ROBO2: variants seen among roughly 807,000 people sequenced by gnomAD.
ROBO2 encodes the protein roundabout guidance receptor 2.
A neutral mutation model predicts 160.8 loss-of-function variants in ROBO2; 53 were observed. The ratio of observed to expected loss-of-function variants is 0.33; its 90% CI spans 0.26 to 0.41. ROBO2 has a LOEUF of 0.41. ROBO2 is among the 10% of genes least tolerant of loss of function. The pLI, the probability that ROBO2 is intolerant of heterozygous loss-of-function variation, is 1.00. For synonymous variants in ROBO2, 664 were observed against 611.7 expected (o/e 1.09, Z -1.26); for missense variants, 1,577 against 1,722.4 (o/e 0.92, Z 1.49).
At chr3:77,148,354 TAC>T (rs2077276031) in intron 2 of ROBO2, among the ~76,000 whole-genome samples, 1 of 152,228 alleles carries the variant, frequency 6.6e-6, no homozygotes, top group Non-Finnish European at 1.5e-5. Flanking sequence ...GCTTCTTATT[TAC>T]ACTGGGCAAG....
intron 2 of ROBO2, among the ~76,000 whole-genome samples, chr3:77,113,679 C>T (rs986808614): frequency 2.6e-5 from 4 of 152,138 alleles, no homozygotes; most frequent in African/African-American, 7.2e-5. Flanking sequence ...TACTTGAGGA[C>T]TGCATGGTTG....
intron 2 of ROBO2, among the ~76,000 whole-genome samples, chr3:76,314,310 T>G (rs2071816535): frequency 6.6e-6 from 1 of 152,176 alleles, no homozygotes; most frequent in African/African-American, 2.4e-5. Context: ...TATTTTATGT[T>G]CGATTACCTT....
chr3:77,002,225 G>A (rs916974737), intron 2 of ROBO2, among the ~76,000 whole-genome samples: 1 of 151,780 alleles, frequency 6.6e-6, no homozygotes, highest in African/African-American at 2.4e-5. Context: ...CCTATATTAT[G>A]GGACTTGATG....
chr3:77,281,183 A>G (rs191918968), intron 2 of ROBO2, among the ~76,000 whole-genome samples: 1 of 152,322 alleles, frequency 6.6e-6, no homozygotes, highest in Admixed American at 6.5e-5. Context: ...GATGCTTGCA[A>G]TTGTTCATTT....
At chr3:76,675,644 A>G (rs2092389145) in intron 2 of ROBO2, among the ~76,000 whole-genome samples, 2 of 152,294 alleles carry the variant, frequency 1.3e-5, no homozygotes, top group South Asian at 4.2e-4. Flanking sequence ...AGTGTGTCCT[A>G]CGGGACTATG....
chr3:77,493,457 C>T (rs899139022), intron 5 of ROBO2, 75 bp downstream of exon 5: 3 of 1,488,404 alleles, frequency 2.0e-6, no homozygotes, highest in South Asian at 1.2e-5. Flanking sequence ...AGCTACAATG[C>T]CACCACCAAA....
intron 2 of ROBO2, among the ~76,000 whole-genome samples, chr3:77,171,735 G>A (rs1196475891): frequency 6.6e-6 from 1 of 152,162 alleles, no homozygotes; most frequent in Non-Finnish European, 1.5e-5. Context: ...TAGGTAGGTA[G>A]TACACAGACA....
At chr3:76,441,086 C>G (rs539311853) in intron 2 of ROBO2, among the ~76,000 whole-genome samples, 1 of 152,058 alleles carries the variant, frequency 6.6e-6, no homozygotes, top group South Asian at 2.1e-4. Flanking sequence ...GGATAAAATT[C>G]AAAATGTTGA....
At chr3:76,795,387 A>G (rs1016632600) in intron 2 of ROBO2, among the ~76,000 whole-genome samples, 2 of 152,120 alleles carry the variant, frequency 1.3e-5, no homozygotes, top group African/African-American at 4.8e-5. Context: ...GAATTAGTTA[A>G]GACTCTCAAA....
At chr3:77,486,392 AG>A (rs1216191934) in intron 4 of ROBO2, among the ~76,000 whole-genome samples, 7 of 152,320 alleles carry the variant, frequency 4.6e-5, no homozygotes, top group Non-Finnish European at 8.8e-5. Flanking sequence ...ACTGTGTAAA[AG>A]CATTCCTATT....
chr3:77,179,965 C>G (rs1259589437), intron 2 of ROBO2, among the ~76,000 whole-genome samples: 2 of 152,014 alleles, frequency 1.3e-5, no homozygotes, highest in Non-Finnish European at 2.9e-5. Context: ...CATGGAATGA[C>G]AGGTATTGAC....
chr3:76,951,204 TG>T (rs2078934951), intron 2 of ROBO2, among the ~76,000 whole-genome samples: 1 of 152,222 alleles, frequency 6.6e-6, no homozygotes, highest in Admixed American at 6.5e-5. Flanking sequence ...TTCTCTACTG[TG>T]ATCTGTAACC....
At chr3:77,405,137 A>T (rs375648641) in intron 2 of ROBO2, among the ~76,000 whole-genome samples, 1 of 152,186 alleles carries the variant, frequency 6.6e-6, no homozygotes, top group Non-Finnish European at 1.5e-5. Context: ...TTCCTATTTC[A>T]TGTATAGTAT....
intron 2 of ROBO2, among the ~76,000 whole-genome samples, chr3:76,993,530 C>A (rs890380597): frequency 6.6e-6 from 1 of 152,132 alleles, no homozygotes; most frequent in South Asian, 2.1e-4. Context: ...TGGTTAATGG[C>A]CTCCTTTAAA....
At chr3:76,266,329 A>G (rs1707098047) in intron 2 of ROBO2, among the ~76,000 whole-genome samples, 1 of 152,138 alleles carries the variant, frequency 6.6e-6, no homozygotes, top group Non-Finnish European at 1.5e-5. Context: ...ATTATTATCC[A>G]TTGACCAAAT....
chr3:76,323,138 TACACACACACACACACACACACAC>T lies in ROBO2; in HGVS notation c.109+385551_109+385574del, dbSNP rs71874425. On this transcript the variant is annotated intron_variant, in intron 2 of 26. Coordinates refer to the ROBO2 transcript ENST00000487694. The stretch of plus-strand genomic sequence containing the variant: ...CAAATCTTTTACTTATTGTTAGTAT[TACACACACACACACACACACACAC>T]ACACACACACACACCCCTAAAGGCT... Among the ~76,000 whole-genome samples the T allele has an allele frequency of 2.8e-5, 4 of 143,956 alleles. 1 individual carries two copies. The highest frequency in any genetic ancestry group is 1.0e-4 in the African/African-American group (4 of 38,452). The allele number at this position is 143,956 out of a possible 152,430, so 94.4% of individuals were successfully genotyped here.
intron 7 of ROBO2, among the ~76,000 whole-genome samples, chr3:77,550,608 T>C (rs1037113852): frequency 3.9e-5 from 6 of 152,048 alleles, no homozygotes; most frequent in Non-Finnish European, 8.8e-5. Context: ...CTAGAAAATA[T>C]TGACTTCTTA....
intron 2 of ROBO2, among the ~76,000 whole-genome samples, chr3:77,102,849 CA>C (rs35802711): frequency 0.43 from 46,765 of 107,662 alleles, 7,085 homozygotes; most frequent in Admixed American, 0.51. Context: ...TCTTAGTTTG[CA>C]AAAAAAAAAA....
chr3:77,131,359 G>A (rs2075836428), intron 2 of ROBO2, among the ~76,000 whole-genome samples: 1 of 152,120 alleles, frequency 6.6e-6, no homozygotes, highest in South Asian at 2.1e-4. Context: ...GTGTTCTAAT[G>A]GCATTAGATG....
Sources: gnomAD v4.1 joint callset for allele counts (sites outside exome capture counted in the v4.1 genomes callset) on GRCh38, gnomAD v4.1.1 for gene constraint, MANE v1.5 for transcripts, NCBI Gene and HGNC (gene_info 2026-07-23, HGNC 2026-07-21) for gene names.